The following PSMG2 variants were observed in gnomAD, a reference collection of about 807,000 sequenced individuals.
PSMG2 encodes the protein proteasome assembly chaperone 2.
A neutral mutation model predicts 31.5 loss-of-function variants in PSMG2; 21 were observed. That is an observed-to-expected ratio of 0.67 (90% confidence interval 0.47 to 0.96). PSMG2 has a LOEUF of 0.96. Among genes scored for constraint, PSMG2 ranks in the 40% least tolerant of loss-of-function variants. PSMG2 has a pLI of 0.00. For missense variants in PSMG2, 318 were observed against 321.2 expected, an observed-to-expected ratio of 0.99 and a Z score of 0.08; for synonymous variants, 120 against 110.4, an observed-to-expected ratio of 1.09 and a Z score of -0.54.
At chr18:12,679,608 A>C (rs1372394147) in intron 1 of PSMG2, among the ~76,000 whole-genome samples, 1 of 152,206 alleles carries the variant, frequency 6.6e-6, no homozygotes, top group Non-Finnish European at 1.5e-5. Context: ...CCTACAACAG[A>C]AGTACTCAGC....
chr18:12,671,887 C>A (rs2144970000), intron 1 of PSMG2, among the ~76,000 whole-genome samples: 1 of 152,226 alleles, frequency 6.6e-6, no homozygotes, highest in East Asian at 1.9e-4. Flanking sequence ...GTGGCATGAT[C>A]TTGGCTCATC....
chr18:12,668,360 G>C (rs2038848534), intron 1 of PSMG2, among the ~76,000 whole-genome samples: 2 of 151,908 alleles, frequency 1.3e-5, no homozygotes, highest in South Asian at 4.2e-4. Context: ...GGGAACCCGA[G>C]GTGGGCAGAT....
chr18:12,697,222 C>A (rs768783235), intron 1 of PSMG2: 8 of 1,607,296 alleles, frequency 5.0e-6, no homozygotes, highest in Non-Finnish European at 6.8e-6. Flanking sequence ...AATCACCATA[C>A]CTACACCCAT....
rs1359331759 is a variant in PSMG2 at position 12,703,070 on chromosome 18, G to C, written c.-38G>C. ...TTCTTGCTGCCCTCGTTCTTGCCAG[G>C]GCCGCGGTTAGTCCCTGCTGGCCAC... is the stretch of plus-strand genomic sequence containing the variant. On this transcript the variant is annotated 5_prime_UTR_variant, in exon 1 of 7. Coordinates refer to ENST00000317615, the MANE Select transcript of PSMG2 (RefSeq NM_020232.5). 6.2e-7 allele frequency: 1 copy of C among 1,604,484 alleles called. No homozygotes were observed. The highest frequency in any genetic ancestry group is 8.5e-7 in the Non-Finnish European group (1 of 1,175,914).
intron 1 of PSMG2, chr18:12,686,327 CAG>C (rs747411650): frequency 4.0e-5 from 64 of 1,614,138 alleles, no homozygotes; most frequent in Non-Finnish European, 4.9e-5. Context: ...CCTCCAATAA[CAG>C]GGGCTCGTTC....
chr18:12,695,851 TCCACAC>T (rs2039935562), intron 1 of PSMG2, among the ~76,000 whole-genome samples: 1 of 110,578 alleles, frequency 9.0e-6, no homozygotes, highest in African/African-American at 3.9e-5. Flanking sequence ...TCATTCCTTC[TCCACAC>T]ACACACACAC....
At chr18:12,687,591 T>G (rs921034983) in intron 1 of PSMG2, among the ~76,000 whole-genome samples, 10 of 151,750 alleles carry the variant, frequency 6.6e-5, no homozygotes, top group Non-Finnish European at 1.0e-4. Flanking sequence ...TAGCTGGGAT[T>G]ACAGGTATGT....
At chr18:12,683,493 C>T (rs1033178413) in intron 1 of PSMG2, among the ~76,000 whole-genome samples, 3 of 151,428 alleles carry the variant, frequency 2.0e-5, no homozygotes, top group Admixed American at 6.6e-5. Context: ...CATTAAAAAA[C>T]GGAAATCAGC....
At chr18:12,666,617 T>G (rs1442231559) in intron 1 of PSMG2, among the ~76,000 whole-genome samples, 1 of 151,938 alleles carries the variant, frequency 6.6e-6, no homozygotes, top group East Asian at 1.9e-4. Context: ...GTTGTTTTTG[T>G]TTTTGTATTT....
At chr18:12,720,800 AAACAAAAAACAAC>A in intron 5 of PSMG2, 117 bp downstream of exon 5, 1 of 1,016,880 alleles carries the variant, frequency 9.8e-7, no homozygotes, top group Non-Finnish European at 1.4e-6. Flanking sequence ...ACTCTGTCTC[AAACAAAAAACAAC>A]AACAAAAAAA....
intron 1 of PSMG2, among the ~76,000 whole-genome samples, chr18:12,664,874 T>A (rs933313142): frequency 6.8e-6 from 1 of 147,266 alleles, no homozygotes; most frequent in Non-Finnish European, 1.5e-5. Flanking sequence ...AACTTTTGTA[T>A]TTTTAGTAGA....
At chr18:12,663,360 C>A (rs1041808681) in intron 1 of PSMG2, 8 of 152,216 alleles carry the variant, frequency 5.3e-5, no homozygotes, top group African/African-American at 1.9e-4. Flanking sequence ...GCAATCTCCA[C>A]CTCCTAGGTT....
intron 1 of PSMG2, chr18:12,686,254 T>G (rs763210157): frequency 5.0e-6 from 8 of 1,604,482 alleles, no homozygotes; most frequent in Non-Finnish European, 6.8e-6. Flanking sequence ...ATTATGTGTG[T>G]ATAATACCTT....
In PSMG2 at chr18:12,725,532, T is replaced by C; in HGVS notation, c.*1T>C. The stretch of plus-strand genomic sequence containing the variant: ...TGGTCTTCCCCCTGCACTTTTCTGA[T>C]CTAATTTCTGTTTTATACCTTATAC... On this transcript the variant is annotated 3_prime_UTR_variant, in exon 7 of 7. Transcript: ENST00000317615. 6.3e-7 allele frequency: 1 copy of C among 1,577,144 alleles called. No individual in the cohort carries two copies. Among genetic ancestry groups the C allele is most frequent in the South Asian group, 1.1e-5 (1 of 89,966 alleles).
At chr18:12,706,759 G>A (rs2040273327) in intron 2 of PSMG2, 38 bp downstream of exon 2, 1 of 1,542,040 alleles carries the variant, frequency 6.5e-7, no homozygotes, top group Non-Finnish European at 8.8e-7. Context: ...CCACTACAAA[G>A]TAGAGTTGTT....
chr18:12,686,465 A>T, intron 1 of PSMG2: 2 of 1,572,026 alleles, frequency 1.3e-6, no homozygotes, highest in Non-Finnish European at 1.7e-6. Context: ...GGAAAAGGGG[A>T]AAAACATCTG....
intron 1 of PSMG2, among the ~76,000 whole-genome samples, chr18:12,682,090 A>G (rs1222591208): frequency 2.0e-5 from 3 of 152,350 alleles, no homozygotes; most frequent in African/African-American, 7.2e-5. Flanking sequence ...ACAATTTCGT[A>G]TTTAAGTGTA....
chr18:12,672,856 A>G, intron 1 of PSMG2: 1 of 985,346 alleles, frequency 1.0e-6, no homozygotes, highest in African/African-American at 1.7e-5. Context: ...CAAATATCCC[A>G]AGGACCACGA....
At chr18:12,709,968 A>C (rs1204821206) in intron 2 of PSMG2, among the ~76,000 whole-genome samples, 2 of 125,670 alleles carry the variant, frequency 1.6e-5, no homozygotes, top group Non-Finnish European at 3.2e-5. Context: ...TTTGAGATGG[A>C]GTCTTGCTCT....
Sources: gnomAD v4.1 joint callset for allele counts (sites outside exome capture counted in the v4.1 genomes callset) on GRCh38, gnomAD v4.1.1 for gene constraint, MANE v1.5 for transcripts, NCBI Gene and HGNC (gene_info 2026-07-23, HGNC 2026-07-21) for gene names.